The following DNAAF4 variants were observed in gnomAD, a reference collection of about 807,000 sequenced individuals.
DNAAF4 encodes dynein assembly factor 4, axonemal.
In DNAAF4, 43 loss-of-function variants were observed where a neutral mutation model predicts 51.8. The ratio of observed to expected loss-of-function variants is 0.83; its 90% CI spans 0.65 to 1.07. DNAAF4 has a LOEUF of 1.07. Among genes scored for constraint, DNAAF4 ranks in the 50% least tolerant of loss-of-function variants. The probability of loss-of-function intolerance (pLI) is 0.00; values close to 1 mark genes in which losing one functional copy is unlikely to be tolerated. For synonymous variants in DNAAF4, 194 were observed against 165.6 expected (o/e 1.17, Z -1.32); for missense variants, 581 against 493.0 (o/e 1.18, Z -1.69).
chr15:55,432,276 C>T (rs895099022), intron 9 of DNAAF4, among the ~76,000 whole-genome samples: 3 of 152,128 alleles, frequency 2.0e-5, no homozygotes, highest in Admixed American at 2.0e-4. Flanking sequence ...TAGACTGAAA[C>T]TTGTTGTTTA....
intron 5 of DNAAF4, among the ~76,000 whole-genome samples, chr15:55,459,070 T>C (rs1332464987): frequency 1.3e-4 from 18 of 140,032 alleles, no homozygotes; most frequent in Admixed American, 3.7e-4. Context: ...AGCAAGACTC[T>C]GTCTCAAAAA....
Position 55,497,862 on chromosome 15 carries a change from A to G in DNAAF4, c.124-3T>C. ...AATAAAAATGGAGGAAAGTTGACCT[A>G]TGCAGAAGGGTGAAAACAGAAACTA... On this transcript the variant is annotated splice_region_variant and splice_polypyrimidine_tract_variant and intron_variant, in intron 2 of 9. Transcript: ENST00000321149. The G allele has an allele frequency of 1.9e-6, 3 of 1,595,660 alleles. No individual in the cohort carries two copies. The highest frequency in any genetic ancestry group is 8.5e-7 in the Non-Finnish European group (1 of 1,173,034).
At chr15:55,439,387 G>A (rs2057670394) in intron 7 of DNAAF4, 85 bp downstream of exon 7, 1 of 1,185,854 alleles carries the variant, frequency 8.4e-7, no homozygotes, top group Non-Finnish European at 1.2e-6. Context: ...TGGGATTACA[G>A]GCATGAGCCA....
At chr15:55,418,024 C>A (rs763103491) in exon 8 of DNAAF4, 1 of 1,022,870 alleles carries the variant, frequency 9.8e-7, no homozygotes, top group Non-Finnish European at 1.4e-6. Context: ...TTTTGTGATT[C>A]TTCACTTGCT....
intron 6 of DNAAF4, chr15:55,443,424 C>A (rs2057746829): frequency 3.3e-6 from 2 of 599,518 alleles, no homozygotes; most frequent in Admixed American, 6.0e-5. Flanking sequence ...ATTACTGCCA[C>A]ATTTTCTTAA....
At chr15:55,461,798 C>T (rs1180365960) in intron 5 of DNAAF4, among the ~76,000 whole-genome samples, 1 of 151,876 alleles carries the variant, frequency 6.6e-6, no homozygotes, top group Non-Finnish European at 1.5e-5. Flanking sequence ...CAGAGCAGAA[C>T]TAAATGAAAC....
At chr15:55,439,338 G>C in intron 7 of DNAAF4, 134 bp downstream of exon 7, 1 of 671,668 alleles carries the variant, frequency 1.5e-6, no homozygotes, top group Non-Finnish European at 2.5e-6. Flanking sequence ...TCAAACTTCT[G>C]GCTTCAAGTT....
Position 55,466,610 on chromosome 15 carries a change from T to C in DNAAF4, c.637+320A>G, listed in dbSNP as rs571984656. 2.0e-5 allele frequency among the ~76,000 whole-genome samples: 3 copies of C among 152,296 alleles called. No homozygotes were observed. The South Asian group carries it at 6.2e-4, about 32-fold the overall frequency. On this transcript the variant is annotated intron_variant, in intron 5 of 9. Coordinates refer to ENST00000321149, the MANE Select transcript of DNAAF4 (RefSeq NM_130810.4). ...ATGGAATAAATGAATGCTTCTGACA[T>C]TGCTAGTCCACTCCAAGTCTTTTTG...
intron 5 of DNAAF4, among the ~76,000 whole-genome samples, chr15:55,462,318 G>A (rs1031728972): frequency 3.3e-5 from 5 of 151,852 alleles, no homozygotes; most frequent in Admixed American, 2.6e-4. Flanking sequence ...TCAGCTTCCC[G>A]AGTAGATGGG....
At chr15:55,431,771 C>A (rs1010710211) in intron 9 of DNAAF4, among the ~76,000 whole-genome samples, 10 of 151,968 alleles carry the variant, frequency 6.6e-5, no homozygotes, top group African/African-American at 2.4e-4. Flanking sequence ...AGCCACCACA[C>A]CCAGCCTATC....
chr15:55,428,484 C>CTTTTTTTTTTTTT (rs747325376), downstream of DNAAF4, among the ~76,000 whole-genome samples: 97 of 85,084 alleles, frequency 1.1e-3, 1 homozygote, highest in Non-Finnish European at 1.8e-3. Context: ...TCTTTTTTTT[C>CTTTTTTTTTTTTT]TTTTTTTTTT....
chr15:55,470,554 T>TG (rs1224547644), intron 4 of DNAAF4, among the ~76,000 whole-genome samples: 1 of 151,800 alleles, frequency 6.6e-6, no homozygotes, highest in East Asian at 1.9e-4. Flanking sequence ...GTTTTTTTTT[T>TG]TTTTTTAGAC....
intron 6 of DNAAF4, among the ~76,000 whole-genome samples, chr15:55,444,203 C>T (rs2057760214): frequency 6.6e-6 from 1 of 152,194 alleles, no homozygotes; most frequent in South Asian, 2.1e-4. Context: ...TTTCATCCAT[C>T]TTGAATTAAT....
At chr15:55,441,602 C>G (rs2057715543) in intron 6 of DNAAF4, among the ~76,000 whole-genome samples, 1 of 151,128 alleles carries the variant, frequency 6.6e-6, no homozygotes, top group Non-Finnish European at 1.5e-5. Flanking sequence ...TGTGATGTTC[C>G]CCTTCCTGTG....
intron 6 of DNAAF4, chr15:55,443,377 C>T (rs2057745727): frequency 1.5e-5 from 10 of 668,404 alleles, no homozygotes; most frequent in South Asian, 7.4e-5. Flanking sequence ...CCGTGCAGGC[C>T]GTGGGGCCGC....
intron 5 of DNAAF4, among the ~76,000 whole-genome samples, chr15:55,456,137 T>A (rs2019181): frequency 6.6e-6 from 1 of 151,504 alleles, no homozygotes; most frequent in Admixed American, 6.6e-5. Context: ...TGGAGTGCAA[T>A]GGCAAGATCT....
chr15:55,431,279 G>GA (rs2141396829), intron 9 of DNAAF4, among the ~76,000 whole-genome samples: 1 of 151,858 alleles, frequency 6.6e-6, no homozygotes, highest in African/African-American at 2.4e-5. Context: ...CTAAATTACA[G>GA]AACTTAATAC....
chr15:55,433,567 A>G (rs1168855943), intron 8 of DNAAF4, among the ~76,000 whole-genome samples: 1 of 144,296 alleles, frequency 6.9e-6, no homozygotes, highest in Non-Finnish European at 1.5e-5. Flanking sequence ...CGGAGCTTGC[A>G]GTGAGCCGAA....
At chr15:55,478,135 C>T (rs746903763) in intron 4 of DNAAF4, among the ~76,000 whole-genome samples, 5 of 152,112 alleles carry the variant, frequency 3.3e-5, no homozygotes, top group Admixed American at 2.0e-4. Context: ...CTGGACACAA[C>T]GGGTACACAA....
Sources: allele counts gnomAD v4.1 joint callset (sites outside exome capture counted in the v4.1 genomes callset), GRCh38; gene constraint gnomAD v4.1.1; transcripts MANE v1.5; gene names NCBI Gene and HGNC (gene_info 2026-07-23, HGNC 2026-07-21).